KCNIP4: variants seen among roughly 807,000 people sequenced by gnomAD.
KCNIP4 encodes potassium voltage-gated channel interacting protein 4, also known as Kv channel-interacting protein 4.
Under a neutral mutation model 34.0 loss-of-function variants are expected in KCNIP4, and 12 were observed. The ratio of observed to expected loss-of-function variants is 0.35; its 90% CI spans 0.23 to 0.57. The LOEUF is 0.57. Ranked by LOEUF, KCNIP4 falls within the 20% of genes least tolerant of loss-of-function variation. The pLI, the probability that KCNIP4 is intolerant of heterozygous loss-of-function variation, is 0.83. For synonymous variants in KCNIP4, 124 were observed against 102.2 expected (o/e 1.21, Z -1.29); for missense variants, 238 against 311.7 (o/e 0.76, Z 1.78).
intron 2 of KCNIP4, among the ~76,000 whole-genome samples, chr4:20,853,741 T>A (rs1721282725): frequency 6.6e-6 from 1 of 152,006 alleles, no homozygotes; most frequent in Non-Finnish European, 1.5e-5. Context: ...ATCTTCATAA[T>A]CTATACATCT....
intron 1 of KCNIP4, among the ~76,000 whole-genome samples, chr4:21,131,976 T>G (rs932083010): frequency 6.6e-5 from 10 of 152,184 alleles, no homozygotes; most frequent in African/African-American, 2.2e-4. Flanking sequence ...CAGTGTTAAT[T>G]TTTTCAGTCA....
chr4:20,903,087 C>G (rs113881754), intron 1 of KCNIP4, among the ~76,000 whole-genome samples: 1 of 151,970 alleles, frequency 6.6e-6, no homozygotes, highest in Non-Finnish European at 1.5e-5. Flanking sequence ...AGGCCTATAC[C>G]GGGATGCTGT....
At chr4:20,948,744 T>C (rs1260604892) in intron 1 of KCNIP4, among the ~76,000 whole-genome samples, 1 of 152,256 alleles carries the variant, frequency 6.6e-6, no homozygotes, top group Non-Finnish European at 1.5e-5. Context: ...TTATTGGAGA[T>C]GACTCCCTTT....
intron 1 of KCNIP4, among the ~76,000 whole-genome samples, chr4:21,829,685 G>T (rs527426857): frequency 7.3e-5 from 11 of 151,706 alleles, no homozygotes; most frequent in African/African-American, 2.4e-4. Context: ...ACCTATAGCA[G>T]CCATAAAAAA....
chr4:21,416,793 G>A (rs990605496), intron 1 of KCNIP4, among the ~76,000 whole-genome samples: 1 of 152,110 alleles, frequency 6.6e-6, no homozygotes, highest in African/African-American at 2.4e-5. Context: ...GACCTATCAT[G>A]GGACTATATG....
At chr4:20,880,852 T>C (rs1724605783) in intron 2 of KCNIP4, among the ~76,000 whole-genome samples, 1 of 152,182 alleles carries the variant, frequency 6.6e-6, no homozygotes, top group South Asian at 2.1e-4. Context: ...TAGATTATGG[T>C]CTTCCAGGTT....
intron 1 of KCNIP4, among the ~76,000 whole-genome samples, chr4:21,934,295 G>T (rs998935962): frequency 3.9e-5 from 6 of 151,982 alleles, no homozygotes; most frequent in Non-Finnish European, 7.4e-5. Context: ...GTCCACAGTG[G>T]TCATTTTCAT....
At chr4:21,334,072 CTT>C (rs921688317) in intron 1 of KCNIP4, among the ~76,000 whole-genome samples, 1 of 151,266 alleles carries the variant, frequency 6.6e-6, no homozygotes, top group African/African-American at 2.4e-5. Context: ...AAAAACTCAT[CTT>C]TTTTTTTAAA....
At chr4:21,035,074 G>T (rs1304207119) in intron 1 of KCNIP4, among the ~76,000 whole-genome samples, 1 of 152,160 alleles carries the variant, frequency 6.6e-6, no homozygotes, top group African/African-American at 2.4e-5. Flanking sequence ...AACTACATTT[G>T]CTTTTAATGG....
intron 1 of KCNIP4, among the ~76,000 whole-genome samples, chr4:21,318,948 G>T (rs1251536767): frequency 6.6e-6 from 1 of 152,078 alleles, no homozygotes; most frequent in Non-Finnish European, 1.5e-5. Context: ...CTGTTAAAAA[G>T]GTTGAACTCC....
chr4:21,172,821 C>A (rs1208019528), intron 1 of KCNIP4, among the ~76,000 whole-genome samples: 4 of 152,152 alleles, frequency 2.6e-5, no homozygotes, highest in African/African-American at 4.8e-5. Context: ...TCAGGCTTCC[C>A]AGGTATCATA....
chr4:21,457,280 A>G (rs866839240), intron 1 of KCNIP4, among the ~76,000 whole-genome samples: 8 of 151,966 alleles, frequency 5.3e-5, no homozygotes, highest in African/African-American at 1.9e-4. Context: ...GCTGTATTCC[A>G]TGATCTCTTT....
chr4:21,856,316 T>C (rs1724752049), intron 1 of KCNIP4, among the ~76,000 whole-genome samples: 1 of 152,220 alleles, frequency 6.6e-6, no homozygotes, highest in African/African-American at 2.4e-5. Flanking sequence ...AAATGGGGAT[T>C]AAATTTATTT....
At chr4:21,742,783 G>T (rs1372117278) in intron 1 of KCNIP4, among the ~76,000 whole-genome samples, 1 of 152,068 alleles carries the variant, frequency 6.6e-6, no homozygotes, top group Non-Finnish European at 1.5e-5. Context: ...AAAAAGACAT[G>T]AAGGCAGTTT....
intron 3 of KCNIP4, among the ~76,000 whole-genome samples, chr4:20,770,669 C>A (rs1170453685): frequency 1.3e-5 from 2 of 152,120 alleles, no homozygotes; most frequent in Non-Finnish European, 2.9e-5. Flanking sequence ...TGCAGTGGCT[C>A]GCGCCTGTAA....
intron 1 of KCNIP4, among the ~76,000 whole-genome samples, chr4:20,896,377 T>C (rs1726530616): frequency 6.6e-6 from 1 of 152,224 alleles, no homozygotes; most frequent in African/African-American, 2.4e-5. Context: ...ATCTAGAACT[T>C]CAGAATGTGG....
At chr4:21,614,628 T>C (rs1744446027) in intron 1 of KCNIP4, among the ~76,000 whole-genome samples, 1 of 149,184 alleles carries the variant, frequency 6.7e-6, no homozygotes, top group African/African-American at 2.4e-5. Context: ...TAAATATACA[T>C]TATAGCTTAA....
chr4:21,782,085 T>G (rs1436286233), intron 1 of KCNIP4, among the ~76,000 whole-genome samples: 1 of 152,024 alleles, frequency 6.6e-6, no homozygotes, highest in East Asian at 1.9e-4. Context: ...AATAAAAGAC[T>G]TAAGCACTAA....
chr4:21,155,387 G>A (rs186643534), intron 1 of KCNIP4, among the ~76,000 whole-genome samples: 1 of 152,308 alleles, frequency 6.6e-6, no homozygotes, highest in Admixed American at 6.5e-5. Context: ...ACAAAAGCAT[G>A]TAAATAGGAG....
Sources: allele counts gnomAD v4.1 joint callset (sites outside exome capture counted in the v4.1 genomes callset), GRCh38; gene constraint gnomAD v4.1.1; transcripts MANE v1.5; gene names NCBI Gene and HGNC (gene_info 2026-07-23, HGNC 2026-07-21).